Variants in MBOAT2 observed in about 807,000 individuals in gnomAD.
MBOAT2 encodes membrane bound glycerophospholipid O-acyltransferase 2, also known as membrane-bound glycerophospholipid O-acyltransferase 2.
A neutral mutation model predicts 63.4 loss-of-function variants in MBOAT2; 28 were observed. The observed-to-expected ratio is 0.44, with a 90% CI of 0.33 to 0.61. The LOEUF (loss-of-function observed/expected upper bound fraction) is 0.61. MBOAT2 is among the 20% of genes least tolerant of loss of function. The probability of loss-of-function intolerance (pLI) is 0.03; values close to 1 mark genes in which losing one functional copy is unlikely to be tolerated. For synonymous variants in MBOAT2, 211 were observed against 215.6 expected (o/e 0.98, Z 0.19); for missense variants, 470 against 605.8 (o/e 0.78, Z 2.35).
In MBOAT2 at chr2:8,968,761, C is replaced by A. The variant is rs970877438; in HGVS notation, c.76-10119G>T. Among the ~76,000 whole-genome samples, 3 of 152,080 alleles carry A rather than the reference C, an allele frequency of 2.0e-5. No individual in the cohort carries two copies. The East Asian group carries it at 5.8e-4, about 29-fold the overall frequency. On this transcript the variant is annotated intron_variant, in intron 1 of 12. Transcript: ENST00000305997. The stretch of plus-strand genomic sequence containing the variant: ...AAGCTTCAGTAGCCAATTCGAACAA[C>A]TGGAAGAAAGGGTATCAGTGATTGA...
intron 3 of MBOAT2, among the ~76,000 whole-genome samples, chr2:8,920,913 G>C (rs924484618): frequency 1.3e-5 from 2 of 152,082 alleles, no homozygotes; most frequent in Non-Finnish European, 2.9e-5. Context: ...GTCTTTTTCT[G>C]TGGCTATTCC....
chr2:8,932,569 A>G (rs564463702), intron 3 of MBOAT2, among the ~76,000 whole-genome samples: 69 of 152,204 alleles, frequency 4.5e-4, no homozygotes, highest in Non-Finnish European at 8.4e-4. Context: ...GAATCTCACT[A>G]AATAAAGCAA....
chr2:8,910,440 A>G (rs1228407718), intron 3 of MBOAT2, among the ~76,000 whole-genome samples: 2 of 152,236 alleles, frequency 1.3e-5, no homozygotes, highest in Non-Finnish European at 1.5e-5. Flanking sequence ...GCTTATCCAC[A>G]GTCATAAGCA....
chr2:8,934,821 G>C (rs1667549814), intron 3 of MBOAT2, among the ~76,000 whole-genome samples: 1 of 152,142 alleles, frequency 6.6e-6, no homozygotes, highest in South Asian at 2.1e-4. Flanking sequence ...TTCCTGCCAA[G>C]CCACTAACCA....
intron 1 of MBOAT2, among the ~76,000 whole-genome samples, chr2:8,964,139 A>G (rs1669824745): frequency 6.6e-6 from 1 of 152,210 alleles, no homozygotes; most frequent in Non-Finnish European, 1.5e-5. Flanking sequence ...CCTCCTGTGC[A>G]AACCCCTCCT....
chr2:8,933,965 T>C (rs1667495726), intron 3 of MBOAT2, among the ~76,000 whole-genome samples: 1 of 152,192 alleles, frequency 6.6e-6, no homozygotes, highest in Non-Finnish European at 1.5e-5. Context: ...AATTCAAATG[T>C]AACACCTCCA....
In MBOAT2 at chr2:8,854,317, A is replaced by C. The variant is rs983308170; in HGVS notation, c.*4362T>G. 8 of 152,268 alleles carry C rather than the reference A, an allele frequency of 5.3e-5. No individual in the cohort carries two copies. The highest frequency in any genetic ancestry group is 1.0e-4 in the Non-Finnish European group (7 of 68,046). The allele number at this position is 152,268 out of a possible 1,614,324, so 9.4% of individuals were successfully genotyped here. On this transcript the variant is annotated 3_prime_UTR_variant, in exon 13 of 13. Coordinates refer to ENST00000305997, the MANE Select transcript of MBOAT2 (RefSeq NM_138799.4). ...GAGAAAACAGAAATTTCAGCATCTA[A>C]GATGAGTGTATCAACGACCAGCCAC...
At chr2:8,997,032 T>C (rs977554466) in intron 1 of MBOAT2, among the ~76,000 whole-genome samples, 1 of 152,184 alleles carries the variant, frequency 6.6e-6, no homozygotes, top group Non-Finnish European at 1.5e-5. Flanking sequence ...CCAGTGCCTG[T>C]TCCGATCTCC....
At chr2:8,995,243 GA>G (rs942020343) in intron 1 of MBOAT2, among the ~76,000 whole-genome samples, 30 of 151,530 alleles carry the variant, frequency 2.0e-4, no homozygotes, top group African/African-American at 4.6e-4. Context: ...TTAAAGGAGA[GA>G]AAAAAAAATC....
In MBOAT2 at chr2:8,877,333, G is replaced by C. The variant is rs1572943021; in HGVS notation, c.507-120C>G. On this transcript the variant is annotated intron_variant, in intron 6 of 12. Transcript: ENST00000305997. Reference sequence around the variant, plus strand: ...GTAAAACAAGCTTTCATTTTCATTTGTACCCATACAATAAGAATTTTAAGG... The same window carrying C: ...GTAAAACAAGCTTTCATTTTCATTTCTACCCATACAATAAGAATTTTAAGG... 4 of 923,756 alleles carry C rather than the reference G, an allele frequency of 4.3e-6. No homozygotes were observed. In the East Asian group the frequency reaches 1.1e-4, roughly 24 times the overall value. The allele number at this position is 923,756 out of a possible 1,614,324, so 57.2% of individuals were successfully genotyped here. A position where few individuals can be genotyped will look rare whatever the true frequency, so the allele number is the denominator to read the frequency against.
Position 8,996,361 on chromosome 2 carries a change from T to C in MBOAT2, c.75+7179A>G, listed in dbSNP as rs113951930. On this transcript the variant is annotated intron_variant, in intron 1 of 12. Transcript: ENST00000305997. ...CATAAAGGAGTCTGACAACAGGTTTTTTATTTGTATTCATCGGGTAGAGAA... is the reference window on the plus strand; with the variant it reads ...CATAAAGGAGTCTGACAACAGGTTTCTTATTTGTATTCATCGGGTAGAGAA... Among the ~76,000 whole-genome samples, 760 of 152,264 alleles carry C rather than the reference T, an allele frequency of 5.0e-3. 8 individuals carry two copies. Among genetic ancestry groups the C allele is most frequent in the South Asian group, 0.02 (95 of 4,820 alleles).
At chr2:8,938,127 C>T (rs374831645) in intron 3 of MBOAT2, among the ~76,000 whole-genome samples, 31 of 152,078 alleles carry the variant, frequency 2.0e-4, no homozygotes, top group African/African-American at 7.2e-4. Context: ...GCAAGGCACA[C>T]GTGTGTCTAT....
intron 4 of MBOAT2, among the ~76,000 whole-genome samples, chr2:8,892,669 AGGGTAAGG>A: frequency 1.3e-5 from 2 of 152,300 alleles, no homozygotes; most frequent in East Asian, 3.9e-4. Context: ...GAAATGAAGC[AGGGTAAGG>A]GGCCTAAGGA....
At chr2:8,943,036 C>T (rs888766142) in intron 3 of MBOAT2, 151 bp downstream of exon 3, 8 of 499,240 alleles carry the variant, frequency 1.6e-5, no homozygotes, top group Non-Finnish European at 2.4e-5. Context: ...ATGATGCATA[C>T]CAATGATTTT....
chr2:8,929,284 A>G (rs187538474), intron 3 of MBOAT2, among the ~76,000 whole-genome samples: 1 of 152,336 alleles, frequency 6.6e-6, no homozygotes, highest in East Asian at 1.9e-4. Flanking sequence ...CATTGGGGGT[A>G]AGAAATACCA....
At chr2:8,956,676 A>C (rs1389837666) in intron 2 of MBOAT2, among the ~76,000 whole-genome samples, 1 of 152,232 alleles carries the variant, frequency 6.6e-6, no homozygotes, top group Non-Finnish European at 1.5e-5. Context: ...CAGCATGGGC[A>C]ACAAAGTGAG....
At position 8,862,699 on chromosome 2, in the gene MBOAT2, A is replaced by G; in HGVS notation, c.1076T>C (p.Phe359Ser). The change falls in exon 11 of 13, where the codon TTC (phenylalanine) becomes TCC (serine). Residue 359 changes from phenylalanine (F) to serine (S), a missense_variant. Phe to Ser is a radical substitution (Grantham distance 155). Around this residue, in one of 3 missense-constraint regions of MBOAT2, gnomAD observed 376 missense variants for 503.8 expected, o/e 0.75. Coordinates refer to ENST00000305997, the MANE Select transcript of MBOAT2 (RefSeq NM_138799.4). This position sits in a 1 kb window ranked among gnomAD's most constrained non-coding sequence, Gnocchi z 4.3. ...AATGAACGTCTGGATAGTTGGACTG[A>G]AGGAGGTTCGTTCATAACACACCCT... ...LKRVCYERTSFSPTIQTFILS... is the reference protein window; with the variant it reads ...LKRVCYERTSSSPTIQTFILS... 6.2e-7 allele frequency: 1 copy of G among 1,613,978 alleles called. No homozygotes were observed. The highest frequency in any genetic ancestry group is 8.5e-7 in the Non-Finnish European group (1 of 1,179,930).
chr2:8,872,048 CA>C (rs1662366214), intron 8 of MBOAT2, among the ~76,000 whole-genome samples: 1 of 152,216 alleles, frequency 6.6e-6, no homozygotes, highest in East Asian at 1.9e-4. Context: ...GCCACAGGAT[CA>C]GGCCATCAGC....
intron 6 of MBOAT2, among the ~76,000 whole-genome samples, chr2:8,879,526 C>T (rs922243385): frequency 6.6e-6 from 1 of 152,154 alleles, no homozygotes. Flanking sequence ...CATTCCATTG[C>T]TATTTCATAT....
Sources: allele counts gnomAD v4.1 joint callset (sites outside exome capture counted in the v4.1 genomes callset), GRCh38; gene constraint gnomAD v4.1.1; regional missense constraint gnomAD v4.1.1; non-coding constraint Gnocchi (gnomAD v3.1); transcripts MANE v1.5; gene names NCBI Gene and HGNC (gene_info 2026-07-23, HGNC 2026-07-21).